Variants in RPAIN observed in about 807,000 individuals in gnomAD.
RPAIN encodes the protein RPA-interacting protein.
RPAIN carries 29 observed loss-of-function variants against 30.5 expected under a neutral mutation model. The observed-to-expected ratio is 0.95, with a 90% CI of 0.71 to 1.30. The LOEUF (loss-of-function observed/expected upper bound fraction) is 1.30, where lower values mean the gene tolerates loss of function less well. Ranked by LOEUF, RPAIN falls within the 50% of genes most tolerant of loss-of-function variation. The probability of loss-of-function intolerance (pLI) is 0.00; values close to 1 mark genes in which losing one functional copy is unlikely to be tolerated. For synonymous variants in RPAIN, 101 were observed against 93.5 expected (o/e 1.08, Z -0.46); for missense variants, 247 against 264.7 (o/e 0.93, Z 0.46).
At chr17:5,422,501 G>A (rs1202758753) in intron 2 of RPAIN, among the ~76,000 whole-genome samples, 1 of 152,182 alleles carries the variant, frequency 6.6e-6, no homozygotes, top group Non-Finnish European at 1.5e-5. Context: ...TGGTTACGTA[G>A]CCTTGGAAGA....
rs554268933 is a variant in RPAIN, at chr17:5,430,192, C to G, written c.630+1981C>G. 2.0e-5 allele frequency: 3 copies of G among 150,260 alleles called. No homozygotes were observed. The East Asian group carries it at 5.9e-4, about 30-fold the overall frequency. The allele number at this position is 150,260 out of a possible 1,614,324, so 9.3% of individuals were successfully genotyped here. A position where few individuals can be genotyped will look rare whatever the true frequency, so the allele number is the denominator to read the frequency against. On this transcript the variant is annotated intron_variant, in intron 6 of 6. Transcript: ENST00000381209. The stretch of plus-strand genomic sequence containing the variant: ...CAAAAACAGAATTGGTGGCTGAGTG[C>G]GGTGGCTCACGCCTGTAATCCCCAC...
chr17:5,425,072 A>G (rs148831575), intron 3 of RPAIN: 12 of 288,132 alleles, frequency 4.2e-5, no homozygotes, highest in Admixed American at 2.0e-4. Context: ...CTCTGGCACA[A>G]TTTCTCAGCT....
At chr17:5,424,301 T>A (rs183243953) in intron 3 of RPAIN, among the ~76,000 whole-genome samples, 341 of 152,238 alleles carry the variant, frequency 2.2e-3, no homozygotes, top group Middle Eastern at 6.8e-3. Flanking sequence ...CCTAATTTTT[T>A]AAATTTTTTT....
chr17:5,424,710 A>G (rs574700106), intron 3 of RPAIN, among the ~76,000 whole-genome samples: 21 of 152,216 alleles, frequency 1.4e-4, no homozygotes, highest in Non-Finnish European at 2.6e-4. Context: ...AATAATAGTG[A>G]AGAAGTTAAT....
intron 6 of RPAIN, 52 bp from the exon 7 acceptor site, chr17:5,432,490 C>G: frequency 6.5e-7 from 1 of 1,526,914 alleles, no homozygotes; most frequent in Non-Finnish European, 9.1e-7. Flanking sequence ...TATCAGATAT[C>G]TTTCATGACT....
chr17:5,429,020 T>C (rs1597345042), intron 6 of RPAIN: 18 of 978,698 alleles, frequency 1.8e-5, no homozygotes, highest in Admixed American at 6.2e-5. Flanking sequence ...TTCACCTTTA[T>C]CAAGTTTCTT....
rs548641420 is a variant in RPAIN at position 5,421,433 on chromosome 17, G to C, written c.219G>C (p.Gln73His). The C allele has an allele frequency of 6.2e-7, 1 of 1,614,114 alleles. No homozygotes were observed. Among genetic ancestry groups the C allele is most frequent in the East Asian group, 2.2e-5 (1 of 44,874 alleles). ...EVMEEEWNAL[Q>H]SVENCPEDLA... Reference sequence around the variant, plus strand: ...TGGAAGAAGAGTGGAATGCTTTGCAGTCAGTGGAGAATTGTCCAGAAGACT... The same window carrying C: ...TGGAAGAAGAGTGGAATGCTTTGCACTCAGTGGAGAATTGTCCAGAAGACT... Residue 73 changes from glutamine to histidine, a missense_variant, in exon 2 of 7, where the codon CAG (glutamine) becomes CAC (histidine). Coordinates refer to ENST00000381209, the MANE Select transcript of RPAIN (RefSeq NM_001033002.4).
intron 6 of RPAIN, 107 bp from the exon 7 acceptor site, chr17:5,432,435 A>G (rs1916072385): frequency 5.7e-6 from 6 of 1,046,832 alleles, no homozygotes; most frequent in Non-Finnish European, 9.0e-6. Flanking sequence ...AACTGGACTC[A>G]GGAGACCTCA....
chr17:5,428,648 G>T, intron 6 of RPAIN: 1 of 826,184 alleles, frequency 1.2e-6, no homozygotes, highest in Middle Eastern at 5.4e-4. Context: ...GCTAACCTGA[G>T]TGACAACTGA....
rs565952097 is a variant in RPAIN, at chr17:5,429,563, C to T, written c.630+1352C>T. ...TGCCCCTGCTGTTTCCTGCTCCAGG[C>T]TCAGGCCTTGGTGGAAGGATGCCAT... On this transcript the variant is annotated intron_variant, in intron 6 of 6. Transcript: ENST00000381209. 5 of 985,452 alleles carry T rather than the reference C, an allele frequency of 5.1e-6. No individual in the cohort carries two copies. In the Admixed American group the frequency reaches 3.1e-4, roughly 60 times the overall value. The allele number at this position is 985,452 out of a possible 1,614,324, so 61.0% of individuals were successfully genotyped here.
At position 5,421,484 on chromosome 17, in the gene RPAIN, G is replaced by C. The variant is rs755417344; in HGVS notation, c.252+18G>C. ...TGGCTCAGGTCAGGCTGGGCTATGTGTTTTCAGGGAGGGGGACTGCACCAC... is the reference window on the plus strand; with the variant it reads ...TGGCTCAGGTCAGGCTGGGCTATGTCTTTTCAGGGAGGGGGACTGCACCAC... On this transcript the variant is annotated intron_variant, in intron 2 of 6. Transcript: ENST00000381209. The C allele has an allele frequency of 6.2e-7, 1 of 1,611,034 alleles. No individual in the cohort carries two copies. Among genetic ancestry groups the C allele is most frequent in the African/African-American group, 1.3e-5 (1 of 74,814 alleles).
chr17:5,425,794 G>A (rs1407446272), intron 3 of RPAIN, among the ~76,000 whole-genome samples, 177 bp from the exon 4 acceptor site: 3 of 152,210 alleles, frequency 2.0e-5, no homozygotes, highest in East Asian at 1.9e-4. Context: ...CAGAGAGGAG[G>A]GAGAGGAATC....
At chr17:5,420,864 T>C (rs768981164) in intron 1 of RPAIN, among the ~76,000 whole-genome samples, 1 of 152,222 alleles carries the variant, frequency 6.6e-6, no homozygotes, top group Non-Finnish European at 1.5e-5. Flanking sequence ...CTAATAGTCC[T>C]ATAACTAGAA....
At position 5,432,661 on chromosome 17, in the gene RPAIN, T is replaced by A; in HGVS notation, c.*90T>A. On this transcript the variant is annotated 3_prime_UTR_variant, in exon 7 of 7. Transcript: ENST00000381209. ...TACATACAAGCCTTTTATTTATAAC[T>A]TATTTTGTATTGAAACTTTTAAACA... 8.0e-7 allele frequency: 1 copy of A among 1,242,468 alleles called. No homozygotes were observed. Among genetic ancestry groups the A allele is most frequent in the South Asian group, 1.3e-5 (1 of 76,918 alleles). The allele number at this position is 1,242,468 out of a possible 1,614,324, so 77.0% of individuals were successfully genotyped here. A position where few individuals can be genotyped will look rare whatever the true frequency, so the allele number is the denominator to read the frequency against.
intron 1 of RPAIN, among the ~76,000 whole-genome samples, chr17:5,420,592 C>G (rs374257521): frequency 6.6e-6 from 1 of 151,906 alleles, no homozygotes; most frequent in East Asian, 1.9e-4. Context: ...GGCACTTTGT[C>G]TACGTTCGTC....
chr17:5,420,810 G>T (rs778850277), intron 1 of RPAIN, among the ~76,000 whole-genome samples: 5 of 152,216 alleles, frequency 3.3e-5, no homozygotes, highest in Non-Finnish European at 7.3e-5. Flanking sequence ...TATATGTTGT[G>T]GAGGGTTGTT....
At position 5,428,797 on chromosome 17, in the gene RPAIN, A is replaced by C. The variant is rs925761636; in HGVS notation, c.630+586A>C. 16 of 989,752 alleles carry C rather than the reference A, an allele frequency of 1.6e-5. No individual in the cohort carries two copies. The African/African-American group carries it at 2.8e-4, about 17-fold the overall frequency. 61.3% of individuals were successfully genotyped at this position (989,752 alleles called of 1,614,324 possible). Reference sequence around the variant, plus strand: ...TGTACATGTGTATATATATCACACAAACACACATAAAACCAATATGATACG... The same window carrying C: ...TGTACATGTGTATATATATCACACACACACACATAAAACCAATATGATACG... On this transcript the variant is annotated intron_variant, in intron 6 of 6. Coordinates refer to ENST00000381209, the MANE Select transcript of RPAIN (RefSeq NM_001033002.4).
Position 5,421,484 on chromosome 17 carries a change from GT to G in RPAIN, c.252+22del. The G allele has an allele frequency of 6.2e-7, 1 of 1,611,034 alleles. No homozygotes were observed. On this transcript the variant is annotated intron_variant, in intron 2 of 6. Transcript: ENST00000381209. ...TGGCTCAGGTCAGGCTGGGCTATGT[GT>G]TTTCAGGGAGGGGGACTGCACCACC...
chr17:5,425,481 G>A (rs781145075), intron 3 of RPAIN: 8 of 380,890 alleles, frequency 2.1e-5, no homozygotes, highest in Non-Finnish European at 3.6e-5. Flanking sequence ...GATTATAGAC[G>A]TGCGCCACAT....
Sources: gnomAD v4.1 joint callset for allele counts (sites outside exome capture counted in the v4.1 genomes callset) on GRCh38, gnomAD v4.1.1 for gene constraint, MANE v1.5 for transcripts, NCBI Gene and HGNC (gene_info 2026-07-23, HGNC 2026-07-21) for gene names.